RAP1GDS1: variants seen among roughly 807,000 people sequenced by gnomAD.
The protein encoded by RAP1GDS1 is Rap1 GTPase-GDP dissociation stimulator 1.
In RAP1GDS1, 35 loss-of-function variants were observed where a neutral mutation model predicts 71.1. That is an observed-to-expected ratio of 0.49 (90% CI 0.38 to 0.65). RAP1GDS1 has a LOEUF of 0.65. RAP1GDS1 is among the 30% of genes least tolerant of loss of function. The pLI is 0.00. For synonymous variants in RAP1GDS1, 229 were observed against 243.1 expected (o/e 0.94, Z 0.54); for missense variants, 663 against 706.1 (o/e 0.94, Z 0.69).
intron 1 of RAP1GDS1, among the ~76,000 whole-genome samples, chr4:98,269,478 T>C (rs960500632): frequency 2.0e-5 from 3 of 152,060 alleles, no homozygotes; most frequent in Non-Finnish European, 2.9e-5. Context: ...CAAATGGGAC[T>C]TCATCAAATT....
chr4:98,301,589 C>T (rs1432918570), intron 2 of RAP1GDS1, among the ~76,000 whole-genome samples: 1 of 152,028 alleles, frequency 6.6e-6, no homozygotes, highest in Non-Finnish European at 1.5e-5. Flanking sequence ...CTTCAGAGAC[C>T]ACTGCAGGGA....
chr4:98,419,036 A>G (rs931953915), intron 10 of RAP1GDS1, among the ~76,000 whole-genome samples: 4 of 152,018 alleles, frequency 2.6e-5, no homozygotes, highest in Non-Finnish European at 5.9e-5. Context: ...GAACTGTTAG[A>G]TTTTCATCAT....
chr4:98,344,723 A>G (rs1735982425), intron 3 of RAP1GDS1, among the ~76,000 whole-genome samples: 1 of 152,248 alleles, frequency 6.6e-6, no homozygotes, highest in African/African-American at 2.4e-5. Flanking sequence ...CACTGGTTAA[A>G]ATAAATAGGA....
At position 98,324,720 on chromosome 4, in the gene RAP1GDS1, G is replaced by A. The variant is rs1732656721; in HGVS notation, c.113-18419G>A. Among the ~76,000 whole-genome samples the A allele has an allele frequency of 2.1e-5, 3 of 143,744 alleles. No homozygotes were observed. In the Admixed American group the frequency reaches 2.1e-4, roughly 10 times the overall value. 94.3% of individuals were successfully genotyped at this position (143,744 alleles called of 152,430 possible). On this transcript the variant is annotated intron_variant, in intron 2 of 14. Coordinates refer to ENST00000408927, the MANE Select transcript of RAP1GDS1 (RefSeq NM_001100427.2). ...TGCTGGGAAAACTGGCTAGCCATAT[G>A]TAGAAAGCTGAAACTGGATCCCTTC... is the stretch of plus-strand genomic sequence containing the variant.
At chr4:98,319,124 C>T (rs1213414581) in intron 2 of RAP1GDS1, among the ~76,000 whole-genome samples, 1 of 152,168 alleles carries the variant, frequency 6.6e-6, no homozygotes, top group Non-Finnish European at 1.5e-5. Context: ...TGCTTCTATA[C>T]ATATCTGTCT....
intron 12 of RAP1GDS1, among the ~76,000 whole-genome samples, chr4:98,433,651 A>G (rs10516431): frequency 0.14 from 20,732 of 152,100 alleles, 1,981 homozygotes; most frequent in African/African-American, 0.26. Flanking sequence ...TAAGGCAGTG[A>G]CATTTTTACT....
At chr4:98,375,946 G>T (rs1294992182) in intron 4 of RAP1GDS1, among the ~76,000 whole-genome samples, 2 of 151,770 alleles carry the variant, frequency 1.3e-5, no homozygotes, top group Admixed American at 1.3e-4. Context: ...TGTTTAACTT[G>T]ATAACATTTT....
rs1202416986 is a variant in RAP1GDS1, at chr4:98,329,365, CATTT to C, written c.113-13768_113-13765del. On this transcript the variant is annotated intron_variant, in intron 2 of 14. Coordinates refer to ENST00000408927, the MANE Select transcript of RAP1GDS1 (RefSeq NM_001100427.2). ...AAAGTCATGGAAACATTATCTTTAT[CATTT>C]ATTTAATCTCATCTGTTTTATTTTT... Among the ~76,000 whole-genome samples the C allele has an allele frequency of 2.0e-5, 3 of 152,198 alleles. No individual in the cohort carries two copies. In the East Asian group the frequency reaches 5.8e-4, roughly 29 times the overall value.
chr4:98,293,169 T>C (rs1727217469), intron 1 of RAP1GDS1, among the ~76,000 whole-genome samples: 1 of 152,190 alleles, frequency 6.6e-6, no homozygotes, highest in African/African-American at 2.4e-5. Flanking sequence ...TTGATAATAT[T>C]TGGAATATTC....
chr4:98,413,629 T>C (rs1475647688), intron 7 of RAP1GDS1, among the ~76,000 whole-genome samples: 1 of 151,840 alleles, frequency 6.6e-6, no homozygotes, highest in Non-Finnish European at 1.5e-5. Context: ...TTGTTGGACA[T>C]TTGGGTTGGT....
intron 2 of RAP1GDS1, among the ~76,000 whole-genome samples, chr4:98,336,540 T>A (rs919307468): frequency 6.6e-6 from 1 of 152,190 alleles, no homozygotes; most frequent in Non-Finnish European, 1.5e-5. Context: ...TTTAGTGAGA[T>A]CTGTTTCTGA....
chr4:98,389,398 G>A (rs1743266510), intron 5 of RAP1GDS1, among the ~76,000 whole-genome samples: 2 of 152,010 alleles, frequency 1.3e-5, no homozygotes, highest in African/African-American at 4.8e-5. Flanking sequence ...AATTATTTGA[G>A]TATGATTATT....
intron 14 of RAP1GDS1, chr4:98,441,309 C>A (rs1751835955): frequency 1.0e-6 from 1 of 971,714 alleles, no homozygotes; most frequent in South Asian, 4.8e-5. Context: ...CCTATATTTT[C>A]TTGTAATTGA....
intron 2 of RAP1GDS1, among the ~76,000 whole-genome samples, chr4:98,302,274 C>G (rs192567135): frequency 1.0e-3 from 153 of 152,118 alleles, no homozygotes; most frequent in African/African-American, 3.5e-3. Flanking sequence ...AAACTTAGAA[C>G]CAAAGTGAAC....
chr4:98,438,590 C>CTATCT (rs1751474979), intron 14 of RAP1GDS1, among the ~76,000 whole-genome samples: 1 of 62,572 alleles, frequency 1.6e-5, no homozygotes, highest in African/African-American at 7.9e-5. Flanking sequence ...ATATATATAT[C>CTATCT]TTTTTTTTTT....
At chr4:98,315,350 C>G (rs1400450316) in intron 2 of RAP1GDS1, among the ~76,000 whole-genome samples, 1 of 152,052 alleles carries the variant, frequency 6.6e-6, no homozygotes, top group Non-Finnish European at 1.5e-5. Context: ...AATACACTTT[C>G]CTTGGATGAT....
In RAP1GDS1 at chr4:98,339,174, T is replaced by C. The variant is rs151040798; in HGVS notation, c.113-3965T>C. Among the ~76,000 whole-genome samples the C allele has an allele frequency of 2.7e-3, 411 of 152,268 alleles. 3 individuals are homozygous for C. Among genetic ancestry groups the C allele is most frequent in the African/African-American group, 9.6e-3 (398 of 41,558 alleles). ...TCCTTTTCTTTCCTATATCTGGCAG[T>C]GTCATAACTAAGCTGCCTCCTTGCT... On this transcript the variant is annotated intron_variant, in intron 2 of 14. Transcript: ENST00000408927.
intron 5 of RAP1GDS1, 98 bp from the exon 6 acceptor site, chr4:98,391,854 T>A: frequency 8.5e-7 from 1 of 1,179,190 alleles, no homozygotes; most frequent in Non-Finnish European, 1.1e-6. Context: ...TAACTTTGAG[T>A]TTCCAATAGG....
chr4:98,338,131 A>G (rs1455005250), intron 2 of RAP1GDS1, among the ~76,000 whole-genome samples: 1 of 152,178 alleles, frequency 6.6e-6, no homozygotes, highest in African/African-American at 2.4e-5. Context: ...GCAAAAGACA[A>G]TAGTGAAATG....
Sources: allele counts gnomAD v4.1 joint callset (sites outside exome capture counted in the v4.1 genomes callset), GRCh38; gene constraint gnomAD v4.1.1; transcripts MANE v1.5; gene names NCBI Gene and HGNC (gene_info 2026-07-23, HGNC 2026-07-21).